ALG14: variants seen among roughly 807,000 people sequenced by gnomAD.
ALG14 encodes UDP-N-acetylglucosamine transferase subunit ALG14.
Under a neutral mutation model 22.8 loss-of-function variants are expected in ALG14, and 17 were observed. The ratio of observed to expected loss-of-function variants is 0.75; its 90% CI spans 0.51 to 1.12. The LOEUF (loss-of-function observed/expected upper bound fraction) is 1.12. Ranked by LOEUF, ALG14 falls within the 50% of genes most tolerant of loss-of-function variation. The pLI is 0.00. For synonymous variants in ALG14, 89 were observed against 103.7 expected, an observed-to-expected ratio of 0.86 and a Z score of 0.86; for missense variants, 288 against 271.8, an observed-to-expected ratio of 1.06 and a Z score of -0.42.
chr1:95,019,265 C>T (rs561086212), intron 3 of ALG14, among the ~76,000 whole-genome samples: 4 of 152,292 alleles, frequency 2.6e-5, no homozygotes, highest in Non-Finnish European at 5.9e-5. Context: ...CTGGTATTCA[C>T]ATTTCTTAAA....
intron 2 of ALG14, among the ~76,000 whole-genome samples, chr1:95,057,487 G>C (rs1276483075): frequency 1.1e-4 from 16 of 151,660 alleles, no homozygotes; most frequent in Non-Finnish European, 1.9e-4. Flanking sequence ...ATGGGAGGAT[G>C]AGCAATGTGC....
In ALG14 at chr1:95,060,863, G is replaced by C. The variant is rs1477168735; in HGVS notation, c.288+4003C>G. Among the ~76,000 whole-genome samples the C allele has an allele frequency of 3.3e-5, 5 of 152,204 alleles. No individual in the cohort carries two copies. The East Asian group carries it at 9.6e-4, about 29-fold the overall frequency. ...GTCCCCCTAAAATTCATGTCCACCTGGAATCTATGAATGTGACCTTATTTA... is the reference window on the plus strand; with the variant it reads ...GTCCCCCTAAAATTCATGTCCACCTCGAATCTATGAATGTGACCTTATTTA... On this transcript the variant is annotated intron_variant, in intron 2 of 3. Coordinates refer to ENST00000370205, the MANE Select transcript of ALG14 (RefSeq NM_144988.4).
chr1:95,060,736 T>G (rs940367818), intron 2 of ALG14, among the ~76,000 whole-genome samples: 1 of 151,734 alleles, frequency 6.6e-6, no homozygotes. Flanking sequence ...AACAAATAAA[T>G]AAAAATAAAA....
chr1:95,057,579 C>T (rs544033112), intron 2 of ALG14, among the ~76,000 whole-genome samples: 10 of 150,826 alleles, frequency 6.6e-5, no homozygotes, highest in Admixed American at 1.3e-4. Context: ...TACATGCACA[C>T]GCGCACACAC....
At chr1:94,991,176 T>TA (rs1451940851) in intron 3 of ALG14, among the ~76,000 whole-genome samples, 1 of 152,244 alleles carries the variant, frequency 6.6e-6, no homozygotes, top group Non-Finnish European at 1.5e-5. Context: ...TTCTGAGCAT[T>TA]AGGGATTTAT....
chr1:95,057,622 C>CTGTGTGTG lies in ALG14; in HGVS notation c.288+7236_288+7243dup, dbSNP rs139544863. 1.3e-3 allele frequency among the ~76,000 whole-genome samples: 194 copies of CTGTGTGTG among 143,996 alleles called. 1 individual carries two copies. The highest frequency in any genetic ancestry group is 2.1e-3 in the African/African-American group (82 of 39,252). The allele number at this position is 143,996 out of a possible 152,430, so 94.5% of individuals were successfully genotyped here. The stretch of plus-strand genomic sequence containing the variant: ...TGGTCATTTCTCCTTAGATGACCAT[C>CTGTGTGTG]TGTGTGTGTGTGTGTGTGTGTGTGT... On this transcript the variant is annotated intron_variant, in intron 2 of 3. Transcript: ENST00000370205.
intron 2 of ALG14, among the ~76,000 whole-genome samples, chr1:95,035,215 T>A (rs1039460558): frequency 9.9e-5 from 15 of 152,228 alleles, no homozygotes; most frequent in African/African-American, 3.1e-4. Context: ...TTCTTCTCTG[T>A]CTCTTTCTCT....
intron 3 of ALG14, among the ~76,000 whole-genome samples, chr1:95,001,342 G>A (rs1023682985): frequency 1.3e-5 from 2 of 152,156 alleles, no homozygotes; most frequent in Admixed American, 6.5e-5. Context: ...TCTACACCCC[G>A]ACTGGTGTGC....
chr1:95,006,947 A>G (rs1673236161), intron 3 of ALG14, among the ~76,000 whole-genome samples: 1 of 152,206 alleles, frequency 6.6e-6, no homozygotes, highest in African/African-American at 2.4e-5. Context: ...CAATTTGTCA[A>G]TGGCCCTTTA....
intron 3 of ALG14, among the ~76,000 whole-genome samples, chr1:94,984,819 C>T (rs1347762767): frequency 2.0e-5 from 3 of 152,164 alleles, no homozygotes; most frequent in South Asian, 2.1e-4. Context: ...ATCACCACCT[C>T]GGCCCTCACC....
chr1:95,029,218 C>T (rs1301063019), intron 2 of ALG14, among the ~76,000 whole-genome samples: 1 of 152,150 alleles, frequency 6.6e-6, no homozygotes, highest in African/African-American at 2.4e-5. Context: ...AATGGCTGGC[C>T]ATTTAGTGCT....
chr1:95,046,602 T>C (rs1297488205), intron 2 of ALG14, among the ~76,000 whole-genome samples: 1 of 152,230 alleles, frequency 6.6e-6, no homozygotes, highest in African/African-American at 2.4e-5. Flanking sequence ...AGCCCTTTAA[T>C]GTCAGCAAGT....
chr1:95,062,838 T>C (rs1262324602), intron 2 of ALG14, among the ~76,000 whole-genome samples: 1 of 152,210 alleles, frequency 6.6e-6, no homozygotes, highest in African/African-American at 2.4e-5. Flanking sequence ...CTAGGTCAAG[T>C]GGTATTTCTG....
At chr1:95,008,331 T>C (rs1673272093) in intron 3 of ALG14, among the ~76,000 whole-genome samples, 1 of 152,236 alleles carries the variant, frequency 6.6e-6, no homozygotes, top group African/African-American at 2.4e-5. Flanking sequence ...CTAAATTTTA[T>C]GTGAACACTT....
At chr1:95,007,461 G>A (rs1673249104) in intron 3 of ALG14, among the ~76,000 whole-genome samples, 1 of 152,182 alleles carries the variant, frequency 6.6e-6, no homozygotes, top group South Asian at 2.1e-4. Context: ...GCTGCCTTAA[G>A]CTTGAATCTG....
Position 94,976,016 on chromosome 1 carries a change from C to CAAAAAAAAAAAAA in ALG14, c.*7047_*7059dup, listed in dbSNP as rs775056839. 1 of 50,908 alleles carries CAAAAAAAAAAAAA rather than the reference C, an allele frequency of 2.0e-5. No individual in the cohort carries two copies. The allele number at this position is 50,908 out of a possible 1,614,324, so 3.2% of individuals were successfully genotyped here. ...TGGGCAACAGAGCGAGACTCTGTCT[C>CAAAAAAAAAAAAA]AAAAAAAAAAAAAAAAAAAAAAAAG... On this transcript the variant is annotated 3_prime_UTR_variant, in exon 4 of 4. Transcript: ENST00000370205.
In ALG14 at chr1:94,977,250, T is replaced by C. The variant is rs1411014713; in HGVS notation, c.*5826A>G. The C allele has an allele frequency of 6.6e-6, 1 of 152,230 alleles. No homozygotes were observed. Among genetic ancestry groups the C allele is most frequent in the African/African-American group, 2.4e-5 (1 of 41,456 alleles). 9.4% of individuals were successfully genotyped at this position (152,230 alleles called of 1,614,324 possible). A position where few individuals can be genotyped will look rare whatever the true frequency, so the allele number is the denominator to read the frequency against. ...ATTCCAGCACTTTGGAAGGCCAAGATAGGAGGATTCCTTGAGACCAGGAGT... is the reference window on the plus strand; with the variant it reads ...ATTCCAGCACTTTGGAAGGCCAAGACAGGAGGATTCCTTGAGACCAGGAGT... On this transcript the variant is annotated 3_prime_UTR_variant, in exon 4 of 4. Coordinates refer to ENST00000370205, the MANE Select transcript of ALG14 (RefSeq NM_144988.4).
intron 2 of ALG14, among the ~76,000 whole-genome samples, chr1:95,030,898 G>C (rs566860893): frequency 1.7e-4 from 26 of 152,292 alleles, no homozygotes; most frequent in African/African-American, 6.3e-4. Flanking sequence ...TGGGAACTGA[G>C]GGACCTCCAA....
chr1:95,026,697 G>C (rs1390009593), intron 3 of ALG14, among the ~76,000 whole-genome samples: 1 of 152,206 alleles, frequency 6.6e-6, no homozygotes, highest in Non-Finnish European at 1.5e-5. Context: ...GGGAGGCCGA[G>C]GCGGGCAGAT....
Sources: allele counts gnomAD v4.1 joint callset (sites outside exome capture counted in the v4.1 genomes callset), GRCh38; gene constraint gnomAD v4.1.1; transcripts MANE v1.5; gene names NCBI Gene and HGNC (gene_info 2026-07-23, HGNC 2026-07-21).